The following YJU2B variants were observed in gnomAD, a reference collection of about 807,000 sequenced individuals.
The protein encoded by YJU2B is YJU2 splicing factor homolog B, also known as probable splicing factor YJU2B.
In YJU2B, 18 loss-of-function variants were observed where a neutral mutation model predicts 38.0. That is an observed-to-expected ratio of 0.47 (90% confidence interval 0.33 to 0.70). The LOEUF is 0.70. Among genes scored for constraint, YJU2B ranks in the 30% least tolerant of loss-of-function variants. The pLI, the probability that YJU2B is intolerant of heterozygous loss-of-function variation, is 0.02. For missense variants in YJU2B, 538 were observed against 556.3 expected, an observed-to-expected ratio of 0.97 and a Z score of 0.33; for synonymous variants, 246 against 225.4, an observed-to-expected ratio of 1.09 and a Z score of -0.82.
rs1004847296 is a variant in YJU2B at position 13,736,461 on chromosome 19, T to C, written c.-202+4176T>C. Among the ~76,000 whole-genome samples the C allele has an allele frequency of 7.9e-5, 12 of 151,882 alleles. No individual in the cohort carries two copies. In the East Asian group the frequency reaches 2.4e-3, roughly 30 times the overall value. On this transcript the variant is annotated intron_variant, in intron 2 of 10. Transcript: ENST00000586600. ...TTTTAGTAGAGACAGTTTTTCTCCA[T>C]GTTGGCCAGGCTGGTCTTGAACTCT...
intron 2 of YJU2B, among the ~76,000 whole-genome samples, chr19:13,737,058 C>T (rs996882201): frequency 6.7e-6 from 1 of 150,332 alleles, no homozygotes; most frequent in Non-Finnish European, 1.5e-5. Context: ...AAGAGGGTCT[C>T]GCTCTGTCAC....
chr19:13,756,104 T>G, intron 3 of YJU2B, 93 bp from the exon 4 acceptor site: 4 of 973,918 alleles, frequency 4.1e-6, no homozygotes, highest in African/African-American at 1.6e-5. Flanking sequence ...CTCCCACCTG[T>G]GAGACACTTG....
At chr19:13,735,229 C>T (rs542234910) in intron 2 of YJU2B, among the ~76,000 whole-genome samples, 1 of 152,116 alleles carries the variant, frequency 6.6e-6, no homozygotes, top group Non-Finnish European at 1.5e-5. Context: ...GCAGGAGAAT[C>T]GCTTGAACCT....
upstream of YJU2B, among the ~76,000 whole-genome samples, chr19:13,745,361 C>T (rs1326527859): frequency 1.3e-5 from 2 of 151,804 alleles, no homozygotes; most frequent in South Asian, 4.1e-4. Context: ...AACCTGGCAC[C>T]GAATAATAAA....
chr19:13,747,585 C>T (rs1973287181), upstream of YJU2B, among the ~76,000 whole-genome samples: 1 of 152,240 alleles, frequency 6.6e-6, no homozygotes, highest in Non-Finnish European at 1.5e-5. Flanking sequence ...ATTCTTTTGC[C>T]TCAGCCTCCC....
In YJU2B at chr19:13,754,280, G is replaced by A; in HGVS notation, c.4-9G>A. On this transcript the variant is annotated splice_polypyrimidine_tract_variant and intron_variant, in intron 2 of 9. Coordinates refer to ENST00000221554, the MANE Select transcript of YJU2B (RefSeq NM_030818.4). ...TCTCTCTGAGTCATGTCTCTGTTCT[G>A]CTTTGCAGGGTGAAAGGAAAGGGGT... 1.2e-6 allele frequency: 2 copies of A among 1,611,550 alleles called. No homozygotes were observed. The highest frequency in any genetic ancestry group is 1.7e-6 in the Non-Finnish European group (2 of 1,177,706).
intron 8 of YJU2B, among the ~76,000 whole-genome samples, chr19:13,761,223 C>CAA (rs140789635): frequency 7.3e-5 from 11 of 149,950 alleles, no homozygotes; most frequent in Middle Eastern, 3.4e-3. Flanking sequence ...ACTAAAAATG[C>CAA]AAAAAAAAAT....
chr19:13,741,276 T>G (rs1973088160), intron 2 of YJU2B, among the ~76,000 whole-genome samples: 1 of 150,554 alleles, frequency 6.6e-6, no homozygotes, highest in Non-Finnish European at 1.5e-5. Context: ...TGCCTCAGCC[T>G]CCTGAGTAGC....
chr19:13,760,128 T>C (rs1973833477), intron 8 of YJU2B, among the ~76,000 whole-genome samples: 1 of 151,932 alleles, frequency 6.6e-6, no homozygotes, highest in African/African-American at 2.4e-5. Context: ...GGTTTCACCA[T>C]GTTGGCCAGG....
At chr19:13,746,709 C>G (rs751708899), upstream of YJU2B, among the ~76,000 whole-genome samples, 1 of 152,138 alleles carries the variant, frequency 6.6e-6, no homozygotes, top group African/African-American at 2.4e-5. Context: ...GACTTCCAGA[C>G]CAGTCTGGCC....
At chr19:13,743,910 T>C (rs1389982729), upstream of YJU2B, among the ~76,000 whole-genome samples, 3 of 113,268 alleles carry the variant, frequency 2.6e-5, no homozygotes, top group African/African-American at 1.0e-4. Context: ...AAGAAAAAAA[T>C]AGGCTGGGCG....
chr19:13,759,383 G>A (rs1408994563), intron 8 of YJU2B, 111 bp downstream of exon 8: 1 of 848,508 alleles, frequency 1.2e-6, no homozygotes, highest in African/African-American at 1.7e-5. Flanking sequence ...TACCCTCTGA[G>A]CCTCAGTTTC....
chr19:13,751,235 G>A (rs970188567), intron 1 of YJU2B, among the ~76,000 whole-genome samples: 4 of 152,150 alleles, frequency 2.6e-5, no homozygotes, highest in African/African-American at 9.7e-5. Context: ...GGGCAACATG[G>A]TGAAACCCTG....
intron 1 of YJU2B, among the ~76,000 whole-genome samples, chr19:13,748,856 G>A (rs115097305): frequency 3.2e-4 from 48 of 152,268 alleles, no homozygotes; most frequent in African/African-American, 1.0e-3. Flanking sequence ...AGGGACCTTG[G>A]AATAATCCAA....
chr19:13,755,724 G>A (rs1973641397), intron 3 of YJU2B, among the ~76,000 whole-genome samples: 1 of 152,102 alleles, frequency 6.6e-6, no homozygotes, highest in African/African-American at 2.4e-5. Context: ...GGGAGGCCGA[G>A]GCAAGTGGAT....
intron 2 of YJU2B, among the ~76,000 whole-genome samples, chr19:13,741,166 T>G (rs1266481563): frequency 6.7e-6 from 1 of 149,522 alleles, no homozygotes; most frequent in South Asian, 2.1e-4. Flanking sequence ...TTTTTTTTTT[T>G]TTTTTGAGAC....
intron 1 of YJU2B, among the ~76,000 whole-genome samples, chr19:13,750,313 C>T (rs533390983): frequency 1.6e-4 from 25 of 152,008 alleles, no homozygotes; most frequent in African/African-American, 2.9e-4. Flanking sequence ...CTGCAACCTC[C>T]GCCTCCCGGT....
At chr19:13,741,439 C>T (rs1292287135) in intron 2 of YJU2B, among the ~76,000 whole-genome samples, 1 of 151,990 alleles carries the variant, frequency 6.6e-6, no homozygotes, top group African/African-American at 2.4e-5. Context: ...AGGTGTGAGC[C>T]ACCATGCCTG....
chr19:13,746,044 G>C (rs1973240163), upstream of YJU2B, among the ~76,000 whole-genome samples: 1 of 152,036 alleles, frequency 6.6e-6, no homozygotes, highest in Non-Finnish European at 1.5e-5. Context: ...CTGAGGTCAG[G>C]AGTTTGAGAC....
Sources: allele counts gnomAD v4.1 joint callset (sites outside exome capture counted in the v4.1 genomes callset), GRCh38; gene constraint gnomAD v4.1.1; transcripts MANE v1.5; gene names NCBI Gene and HGNC (gene_info 2026-07-23, HGNC 2026-07-21).